ST18: variants seen among roughly 807,000 people sequenced by gnomAD.
ST18 encodes the protein suppression of tumorigenicity 18 protein.
ST18 carries 50 observed loss-of-function variants against 110.0 expected under a neutral mutation model. The observed-to-expected ratio is 0.45, with a 90% CI of 0.36 to 0.58. The LOEUF is 0.58. ST18 is among the 20% of genes least tolerant of loss of function. The pLI is 0.00. For missense variants in ST18, 1,306 were observed against 1,280.1 expected, an observed-to-expected ratio of 1.02 and a Z score of -0.31; for synonymous variants, 461 against 452.4, an observed-to-expected ratio of 1.02 and a Z score of -0.24.
intron 2 of ST18, among the ~76,000 whole-genome samples, chr8:52,298,117 G>A (rs1319715335): frequency 1.3e-5 from 2 of 152,290 alleles, no homozygotes; most frequent in South Asian, 4.1e-4. Context: ...ACTGGTCCCC[G>A]GCCTTCAGCT....
At chr8:52,395,282 T>C (rs988803592) in intron 2 of ST18, among the ~76,000 whole-genome samples, 1 of 152,156 alleles carries the variant, frequency 6.6e-6, no homozygotes, top group African/African-American at 2.4e-5. Flanking sequence ...ATTGAGCATA[T>C]AAACAAAGAA....
rs1338143312 is a variant in ST18, at chr8:52,388,029, CTA to C, written c.-465+21297_-465+21298del. Among the ~76,000 whole-genome samples the C allele has an allele frequency of 5.9e-5, 8 of 135,374 alleles. No individual in the cohort carries two copies. The East Asian group carries it at 2.1e-3, about 36-fold the overall frequency. 88.8% of individuals were successfully genotyped at this position (135,374 alleles called of 152,430 possible). Reference sequence around the variant, plus strand: ...GCAGGGTGTCCGCTTTGAGGGGGGTCTATGTTTGCAGGGGAGAGAGATGAAAT... The same window carrying C: ...GCAGGGTGTCCGCTTTGAGGGGGGTCTGTTTGCAGGGGAGAGAGATGAAAT... On this transcript the variant is annotated intron_variant, in intron 2 of 25. Coordinates refer to ENST00000689386, the MANE Select transcript of ST18 (RefSeq NM_001352837.2).
chr8:52,317,366 C>T (rs1348065502), intron 2 of ST18, among the ~76,000 whole-genome samples: 1 of 152,166 alleles, frequency 6.6e-6, no homozygotes, highest in Non-Finnish European at 1.5e-5. Flanking sequence ...TGGAGTGAAG[C>T]TGCCACAAGT....
chr8:52,287,533 A>G (rs1336686828), intron 2 of ST18, among the ~76,000 whole-genome samples: 2 of 152,158 alleles, frequency 1.3e-5, no homozygotes, highest in East Asian at 1.9e-4. Context: ...AGCAACATCT[A>G]GAACAAATCC....
chr8:52,120,553 G>A (rs899815524), intron 23 of ST18, among the ~76,000 whole-genome samples: 1 of 152,162 alleles, frequency 6.6e-6, no homozygotes, highest in Non-Finnish European at 1.5e-5. Context: ...GCATCCAAGA[G>A]GAGGAAGGAA....
chr8:52,285,249 A>G (rs2139230795), intron 2 of ST18, among the ~76,000 whole-genome samples: 1 of 152,336 alleles, frequency 6.6e-6, no homozygotes, highest in South Asian at 2.1e-4. Context: ...TTCTGGTCCA[A>G]ACTAAAACCT....
At chr8:52,171,578 TG>T in intron 10 of ST18, 1 of 667,906 alleles carries the variant, frequency 1.5e-6, no homozygotes, top group Non-Finnish European at 2.7e-6. Flanking sequence ...CCTTTTTTCA[TG>T]TGTGAAAATA....
At position 52,142,971 on chromosome 8, in the gene ST18, T is replaced by C. The variant is rs546918208; in HGVS notation, c.2127A>G (p.Lys709=). The change falls in exon 17 of 26, where the codon AAA becomes AAG. Residue 709 remains lysine, a synonymous_variant. Coordinates refer to ENST00000689386, the MANE Select transcript of ST18 (RefSeq NM_001352837.2). ...TGAGATCTCTTGCATGAAGCTTGGG[T>C]TTAGGGCTTGGTATAGAGGCCTCTC... The part of the protein sequence containing the change: ...FPGEASIPSP[K]PKLHARDLKK... The C allele has an allele frequency of 6.2e-7, 1 of 1,614,018 alleles. No homozygotes were observed. The highest frequency in any genetic ancestry group is 8.5e-7 in the Non-Finnish European group (1 of 1,179,948).
intron 2 of ST18, among the ~76,000 whole-genome samples, chr8:52,346,552 A>G (rs1418286933): frequency 6.6e-6 from 1 of 152,236 alleles, no homozygotes; most frequent in African/African-American, 2.4e-5. Flanking sequence ...TTATCATCAC[A>G]TGTCAGAGCA....
intron 25 of ST18, among the ~76,000 whole-genome samples, chr8:52,114,718 G>A (rs2041908931): frequency 6.6e-6 from 1 of 152,132 alleles, no homozygotes; most frequent in African/African-American, 2.4e-5. Context: ...CACTCTGCAG[G>A]GCCGGGCCCA....
intron 16 of ST18, among the ~76,000 whole-genome samples, chr8:52,149,348 A>T (rs2058199606): frequency 6.6e-6 from 1 of 152,228 alleles, no homozygotes; most frequent in African/African-American, 2.4e-5. Context: ...TTCTTACTTG[A>T]CCCTGATTTG....
chr8:52,213,690 T>C (rs553730723), intron 7 of ST18, among the ~76,000 whole-genome samples: 2 of 152,194 alleles, frequency 1.3e-5, no homozygotes, highest in African/African-American at 4.8e-5. Context: ...AAGAGAGAGA[T>C]AACCAGCAAG....
At chr8:52,286,639 C>T in intron 2 of ST18, among the ~76,000 whole-genome samples, 1 of 151,946 alleles carries the variant, frequency 6.6e-6, no homozygotes, top group East Asian at 1.9e-4. Flanking sequence ...TGGGTCACCT[C>T]CATTTTGTAC....
intron 2 of ST18, among the ~76,000 whole-genome samples, chr8:52,348,949 C>T (rs1440857368): frequency 6.6e-6 from 1 of 152,108 alleles, no homozygotes; most frequent in Non-Finnish European, 1.5e-5. Flanking sequence ...ATCTCTCAAA[C>T]TGATTTCTTC....
At chr8:52,319,230 A>G (rs1192745216) in intron 2 of ST18, among the ~76,000 whole-genome samples, 4 of 152,194 alleles carry the variant, frequency 2.6e-5, no homozygotes, top group Non-Finnish European at 5.9e-5. Flanking sequence ...TGTCGATTTC[A>G]GGTATGTTTG....
chr8:52,276,767 C>CT (rs112922704), intron 2 of ST18, among the ~76,000 whole-genome samples: 19,926 of 140,698 alleles, frequency 0.14, 1,537 homozygotes, highest in Middle Eastern at 0.25. Flanking sequence ...CCTATAAAAT[C>CT]TTTTTTTTTT....
chr8:52,305,704 T>C (rs1246719300), intron 2 of ST18, among the ~76,000 whole-genome samples: 2 of 152,160 alleles, frequency 1.3e-5, no homozygotes, highest in African/African-American at 2.4e-5. Context: ...GCATCCGGTG[T>C]ATCAGCAAAT....
chr8:52,356,249 AC>A (rs1034779860), intron 2 of ST18, among the ~76,000 whole-genome samples: 3 of 152,112 alleles, frequency 2.0e-5, no homozygotes, highest in Non-Finnish European at 4.4e-5. Context: ...GTGTCCCAAT[AC>A]CGGGTCAGTT....
chr8:52,236,542 C>T (rs749066286), intron 2 of ST18, among the ~76,000 whole-genome samples: 1 of 145,622 alleles, frequency 6.9e-6, no homozygotes, highest in African/African-American at 2.5e-5. Flanking sequence ...ACCCAGGAGG[C>T]GGAGGTTGCA....
Sources: gnomAD v4.1 joint callset for allele counts (sites outside exome capture counted in the v4.1 genomes callset) on GRCh38, gnomAD v4.1.1 for gene constraint, MANE v1.5 for transcripts, NCBI Gene and HGNC (gene_info 2026-07-23, HGNC 2026-07-21) for gene names.